Variants in THSD7B observed in about 807,000 individuals in gnomAD.
THSD7B encodes the protein thrombospondin type 1 domain containing 7B.
Under a neutral mutation model 213.6 loss-of-function variants are expected in THSD7B, and 138 were observed. That is an observed-to-expected ratio of 0.65 (90% CI 0.56 to 0.74). The LOEUF is 0.74. THSD7B is among the 30% of genes least tolerant of loss of function. The pLI, the probability that THSD7B is intolerant of heterozygous loss-of-function variation, is 0.00. For missense variants in THSD7B, 1,931 were observed against 1,991.5 expected, an observed-to-expected ratio of 0.97 and a Z score of 0.58; for synonymous variants, 742 against 687.0, an observed-to-expected ratio of 1.08 and a Z score of -1.25.
At chr2:137,271,967 T>C (rs763650398) in intron 10 of THSD7B, among the ~76,000 whole-genome samples, 1 of 152,124 alleles carries the variant, frequency 6.6e-6, no homozygotes, top group African/African-American at 2.4e-5. Context: ...AACAATATTT[T>C]GTTCTTTCCC....
At chr2:137,341,726 T>C (rs1684765690) in intron 12 of THSD7B, among the ~76,000 whole-genome samples, 1 of 151,640 alleles carries the variant, frequency 6.6e-6, no homozygotes, top group Admixed American at 6.6e-5. Flanking sequence ...GGGATTGTCC[T>C]TTTTACTATT....
intron 3 of THSD7B, among the ~76,000 whole-genome samples, chr2:137,057,808 A>T (rs10928591): frequency 0.096 from 14,546 of 152,276 alleles, 936 homozygotes; most frequent in African/African-American, 0.18. Flanking sequence ...TTGCGCAAGC[A>T]GTAATTAGAA....
chr2:137,221,441 C>G (rs2105044855), intron 7 of THSD7B, among the ~76,000 whole-genome samples: 1 of 152,120 alleles, frequency 6.6e-6, no homozygotes, highest in Non-Finnish European at 1.5e-5. Context: ...TTGCCAGAAC[C>G]CATAGAACTA....
chr2:137,265,649 A>G (rs1362975793), intron 10 of THSD7B, among the ~76,000 whole-genome samples: 3 of 152,230 alleles, frequency 2.0e-5, no homozygotes, highest in Admixed American at 6.5e-5. Flanking sequence ...TGTTGAGTAG[A>G]TAATTTTAAG....
chr2:137,212,926 G>T (rs955146191), intron 7 of THSD7B, among the ~76,000 whole-genome samples: 4 of 150,862 alleles, frequency 2.7e-5, no homozygotes, highest in African/African-American at 9.8e-5. Context: ...AGTTGATACT[G>T]GATAAAAGTT....
At chr2:137,252,911 C>CTTTTTTTTTTTTT (rs754932566) in intron 10 of THSD7B, among the ~76,000 whole-genome samples, 1 of 80,660 alleles carries the variant, frequency 1.2e-5, no homozygotes, top group Non-Finnish European at 2.5e-5. Context: ...AAAAGGCTTG[C>CTTTTTTTTTTTTT]TTTTTTTTTT....
chr2:137,089,701 G>C (rs1687915012), intron 3 of THSD7B, among the ~76,000 whole-genome samples: 1 of 151,950 alleles, frequency 6.6e-6, no homozygotes, highest in Non-Finnish European at 1.5e-5. Context: ...CTACAAATTG[G>C]GTGCAGTGTA....
At chr2:137,048,617 C>A (rs1687010240) in intron 2 of THSD7B, among the ~76,000 whole-genome samples, 1 of 152,176 alleles carries the variant, frequency 6.6e-6, no homozygotes, top group Non-Finnish European at 1.5e-5. Context: ...TTTGCATGCT[C>A]TCTGCCCTTT....
intron 1 of THSD7B, among the ~76,000 whole-genome samples, chr2:136,810,600 A>G (rs1433094617): frequency 6.6e-6 from 1 of 152,246 alleles, no homozygotes; most frequent in Non-Finnish European, 1.5e-5. Context: ...GATGGTGCCA[A>G]TGATGGGTTT....
intron 12 of THSD7B, among the ~76,000 whole-genome samples, chr2:137,333,790 C>T (rs1359945328): frequency 2.0e-5 from 3 of 152,110 alleles, no homozygotes. Context: ...TAGTCCTGGT[C>T]TCCTCTAGTT....
chr2:136,998,125 T>C (rs2104822132), intron 2 of THSD7B, among the ~76,000 whole-genome samples: 1 of 151,802 alleles, frequency 6.6e-6, no homozygotes, highest in Middle Eastern at 3.4e-3. Flanking sequence ...CGTGGCCCCA[T>C]CCAAGCTTTT....
Position 137,581,988 on chromosome 2 carries a change from C to T in THSD7B, c.3423+9432C>T, listed in dbSNP as rs906649047. On this transcript the variant is annotated intron_variant, in intron 17 of 27. Transcript: ENST00000409968. ...GTGGACACCTGTAATCCCAGCTGCT[C>T]GGGAGGCTGAGGCATGAGGATTGCT... Among the ~76,000 whole-genome samples, 4 of 150,362 alleles carry T rather than the reference C, an allele frequency of 2.7e-5. No individual in the cohort carries two copies. In the South Asian group the frequency reaches 6.3e-4, roughly 24 times the overall value.
intron 2 of THSD7B, among the ~76,000 whole-genome samples, chr2:137,045,923 G>C (rs904030588): frequency 3.9e-5 from 6 of 152,024 alleles, no homozygotes; most frequent in Non-Finnish European, 2.9e-5. Context: ...AATTCTGTTG[G>C]GCACCATTAT....
chr2:137,382,020 G>A (rs958627844), intron 12 of THSD7B, among the ~76,000 whole-genome samples: 14 of 152,204 alleles, frequency 9.2e-5, no homozygotes, highest in African/African-American at 3.4e-4. Context: ...TATTCTGGGG[G>A]TGGATGTTTT....
chr2:136,882,007 G>A (rs545295435), intron 1 of THSD7B, 137 bp from the exon 2 acceptor site: 2 of 486,778 alleles, frequency 4.1e-6, no homozygotes, highest in Non-Finnish European at 6.5e-6. Context: ...TTTCCCACAG[G>A]GTTGATATTA....
intron 3 of THSD7B, among the ~76,000 whole-genome samples, chr2:137,064,050 C>T (rs140272170): frequency 5.3e-5 from 8 of 152,008 alleles, no homozygotes; most frequent in Middle Eastern, 3.4e-3. Context: ...CTAGATAGTA[C>T]GGTAGCTCTA....
rs1411153612 is a variant in THSD7B at position 136,976,913 on chromosome 2, G to A, written c.140-79507G>A. ...TGGGATTACAGGCGTGAGCCACCGC[G>A]CCTGGCTGAAGTTTTCTTTTTTGTT... On this transcript the variant is annotated intron_variant, in intron 2 of 27. Transcript: ENST00000409968. Among the ~76,000 whole-genome samples, 5 of 152,126 alleles carry A rather than the reference G, an allele frequency of 3.3e-5. No individual in the cohort carries two copies. The South Asian group carries it at 6.2e-4, about 19-fold the overall frequency.
rs192408156 is a variant in THSD7B, at chr2:137,332,366, G to T, written c.2500+56340G>T. ...ACCGGCCCTGAGTCCCTTTGTTTTGGCCAATTTCTCCCATTCAGAATGGGC... is the reference window on the plus strand; with the variant it reads ...ACCGGCCCTGAGTCCCTTTGTTTTGTCCAATTTCTCCCATTCAGAATGGGC... On this transcript the variant is annotated intron_variant, in intron 12 of 27. Transcript: ENST00000409968. Among the ~76,000 whole-genome samples the T allele has an allele frequency of 2.9e-3, 434 of 152,176 alleles. 1 individual carries two copies. The highest frequency in any genetic ancestry group is 9.9e-3 in the African/African-American group (413 of 41,520).
intron 2 of THSD7B, among the ~76,000 whole-genome samples, chr2:137,054,388 G>C (rs1687122259): frequency 6.6e-6 from 1 of 152,210 alleles, no homozygotes; most frequent in South Asian, 2.1e-4. Flanking sequence ...AAGAATGCCA[G>C]GTGTATATGG....
Sources: gnomAD v4.1 joint callset for allele counts (sites outside exome capture counted in the v4.1 genomes callset) on GRCh38, gnomAD v4.1.1 for gene constraint, MANE v1.5 for transcripts, NCBI Gene and HGNC (gene_info 2026-07-23, HGNC 2026-07-21) for gene names.